The following ESR1 variants were observed in gnomAD, a reference collection of about 807,000 sequenced individuals.
ESR1 encodes the protein estrogen receptor.
In ESR1, 12 loss-of-function variants were observed where a neutral mutation model predicts 52.7. The ratio of observed to expected loss-of-function variants is 0.23; its 90% CI spans 0.15 to 0.37. The LOEUF is 0.37. Ranked by LOEUF, ESR1 falls within the 10% of genes least tolerant of loss-of-function variation. ESR1 has a pLI of 1.00. For synonymous variants in ESR1, 305 were observed against 316.8 expected, an observed-to-expected ratio of 0.96 and a Z score of 0.39; for missense variants, 584 against 779.7, an observed-to-expected ratio of 0.75 and a Z score of 2.99.
At position 152,102,009 on chromosome 6, in the gene ESR1, T is replaced by C. The variant is rs2050978819; in HGVS notation, c.*3043T>C. ...GCCATTGCCTAGCTTGCCGTAATGA[T>C]TCTATAATGCCATCATGCAGCAATT... On this transcript the variant is annotated 3_prime_UTR_variant, in exon 8 of 8. Coordinates refer to ENST00000206249, the MANE Select transcript of ESR1 (RefSeq NM_000125.4). The C allele has an allele frequency of 4.6e-6, 1 of 215,074 alleles. No homozygotes were observed. The highest frequency in any genetic ancestry group is 1.9e-4 in the South Asian group (1 of 5,338). The allele number at this position is 215,074 out of a possible 1,614,324, so 13.3% of individuals were successfully genotyped here. A position where few individuals can be genotyped will look rare whatever the true frequency, so the allele number is the denominator to read the frequency against.
intron 5 of ESR1, among the ~76,000 whole-genome samples, chr6:152,024,742 G>A (rs1243229103): frequency 6.8e-6 from 1 of 146,334 alleles, no homozygotes; most frequent in African/African-American, 2.5e-5. Flanking sequence ...TACATGTATT[G>A]TATTTATATA....
At chr6:152,065,652 T>C (rs2047907458) in intron 6 of ESR1, among the ~76,000 whole-genome samples, 1 of 152,164 alleles carries the variant, frequency 6.6e-6, no homozygotes, top group Non-Finnish European at 1.5e-5. Context: ...AGCCAGACCA[T>C]GATTCCAGCC....
intron 2 of ESR1, among the ~76,000 whole-genome samples, chr6:151,871,031 T>C (rs983437639): frequency 7.9e-5 from 12 of 151,968 alleles, no homozygotes; most frequent in Admixed American, 6.6e-4. Flanking sequence ...TAAAAACTTT[T>C]GTAGAGCTGG....
chr6:151,933,739 C>T (rs2034001043), intron 3 of ESR1, among the ~76,000 whole-genome samples: 1 of 152,110 alleles, frequency 6.6e-6, no homozygotes, highest in Non-Finnish European at 1.5e-5. Flanking sequence ...TTGTAGAGCC[C>T]TCAAATTCCT....
chr6:151,662,989 G>C (rs1236248480), intron 1 of ESR1, among the ~76,000 whole-genome samples: 1 of 152,198 alleles, frequency 6.6e-6, no homozygotes, highest in East Asian at 1.9e-4. Context: ...AGTTAAGCCT[G>C]AGTTCATTAT....
At chr6:151,987,359 A>G (rs758962179) in intron 4 of ESR1, among the ~76,000 whole-genome samples, 11 of 152,078 alleles carry the variant, frequency 7.2e-5, no homozygotes, top group Non-Finnish European at 1.6e-4. Flanking sequence ...CCTGGGTTCA[A>G]GTGATTCTCC....
rs2273206 is a variant in ESR1, at chr6:152,061,176, G to T, written c.1369+52G>T. 0.14 allele frequency: 224,848 copies of T among 1,580,140 alleles called. 22,045 individuals carry two copies. Among genetic ancestry groups the T allele is most frequent in the African/African-American group, 0.44 (32,768 of 74,138 alleles). On this transcript the variant is annotated intron_variant, in intron 6 of 7. Coordinates refer to ENST00000206249, the MANE Select transcript of ESR1 (RefSeq NM_000125.4). The surrounding 1 kb of genome is among the most constrained non-coding windows in gnomAD (Gnocchi z 4.3). ...ATGCTGGATGAAATGTTTATTTGTA[G>T]TTTTCAACCAGATACGATCTACCCA...
chr6:151,996,701 T>A (rs550715015), intron 4 of ESR1, among the ~76,000 whole-genome samples: 1 of 152,260 alleles, frequency 6.6e-6, no homozygotes, highest in Non-Finnish European at 1.5e-5. Flanking sequence ...CGTAGGACTT[T>A]GAGGTTCATC....
At chr6:151,728,834 C>A (rs1467642221) in intron 2 of ESR1, among the ~76,000 whole-genome samples, 2 of 152,182 alleles carry the variant, frequency 1.3e-5, no homozygotes, top group African/African-American at 4.8e-5. Flanking sequence ...TGGAGTTCTA[C>A]TTGATTTTAA....
intron 2 of ESR1, among the ~76,000 whole-genome samples, chr6:151,863,383 G>A (rs1188634165): frequency 2.0e-5 from 3 of 152,064 alleles, no homozygotes; most frequent in Non-Finnish European, 4.4e-5. Flanking sequence ...TGGATTCCTA[G>A]GTATTTTATT....
At chr6:152,049,694 A>G (rs1240257648) in intron 5 of ESR1, among the ~76,000 whole-genome samples, 1 of 151,976 alleles carries the variant, frequency 6.6e-6, no homozygotes, top group Non-Finnish European at 1.5e-5. Context: ...GGAGGCTGCA[A>G]AAAAGAGGGA....
intron 2 of ESR1, among the ~76,000 whole-genome samples, chr6:151,785,720 G>C (rs1010999043): frequency 6.6e-6 from 1 of 152,150 alleles, no homozygotes; most frequent in Non-Finnish European, 1.5e-5. Flanking sequence ...GCAAGCCATT[G>C]AACCCATTAG....
At chr6:151,726,956 C>A (rs574326442) in intron 2 of ESR1, among the ~76,000 whole-genome samples, 4 of 152,218 alleles carry the variant, frequency 2.6e-5, no homozygotes, top group African/African-American at 9.6e-5. Context: ...CAGCATTTAA[C>A]TTTTCACCAT....
At chr6:151,926,520 C>A (rs2032772846) in intron 3 of ESR1, among the ~76,000 whole-genome samples, 1 of 151,666 alleles carries the variant, frequency 6.6e-6, no homozygotes, top group East Asian at 1.9e-4. Flanking sequence ...ATTTTAAGAT[C>A]TTCTTTCATT....
At chr6:151,839,718 AG>A (rs1042028746) in intron 1 of ESR1, among the ~76,000 whole-genome samples, 3 of 152,176 alleles carry the variant, frequency 2.0e-5, no homozygotes, top group Admixed American at 1.3e-4. Flanking sequence ...AAAAAGCAAA[AG>A]TAGGGTTTCA....
chr6:151,874,828 G>C (rs1361025795), intron 2 of ESR1, among the ~76,000 whole-genome samples: 1 of 152,178 alleles, frequency 6.6e-6, no homozygotes, highest in Non-Finnish European at 1.5e-5. Flanking sequence ...TGATGGTGGT[G>C]AATGGGGAGA....
chr6:151,777,044 T>C (rs1056375532), intron 2 of ESR1, among the ~76,000 whole-genome samples: 3 of 151,888 alleles, frequency 2.0e-5, no homozygotes, highest in African/African-American at 7.3e-5. Flanking sequence ...GATCCAGGCT[T>C]GTGTGGAAGC....
At chr6:151,884,170 G>T (rs145877190) in intron 3 of ESR1, among the ~76,000 whole-genome samples, 2 of 152,120 alleles carry the variant, frequency 1.3e-5, no homozygotes, top group African/African-American at 2.4e-5. Context: ...ATTATAGCCC[G>T]TGAGAACATC....
At chr6:151,870,136 T>C (rs370298122) in intron 2 of ESR1, among the ~76,000 whole-genome samples, 1 of 152,254 alleles carries the variant, frequency 6.6e-6, no homozygotes, top group East Asian at 1.9e-4. Context: ...ACTGCAGTTG[T>C]TCTGTCACAG....
Sources: gnomAD v4.1 joint callset for allele counts (sites outside exome capture counted in the v4.1 genomes callset) on GRCh38, gnomAD v4.1.1 for gene constraint, Gnocchi (gnomAD v3.1) non-coding constraint, MANE v1.5 for transcripts, NCBI Gene and HGNC (gene_info 2026-07-23, HGNC 2026-07-21) for gene names.